Variants in IGSF3 observed in about 807,000 individuals in gnomAD.
IGSF3 encodes immunoglobulin superfamily member 3, also known as glu-Trp-Ile EWI motif-containing protein 3.
IGSF3 carries 23 observed loss-of-function variants against 114.4 expected under a neutral mutation model. That is an observed-to-expected ratio of 0.20 (90% CI 0.14 to 0.28). IGSF3 has a LOEUF of 0.28. IGSF3 is among the 10% of genes least tolerant of loss of function. The pLI, the probability that IGSF3 is intolerant of heterozygous loss-of-function variation, is 1.00. For synonymous variants in IGSF3, 571 were observed against 645.2 expected, an observed-to-expected ratio of 0.88 and a Z score of 1.74; for missense variants, 1,172 against 1,591.5, an observed-to-expected ratio of 0.74 and a Z score of 4.48.
rs1661181753 is a variant in IGSF3, at chr1:116,615,471, T to C, written c.421+609A>G. 6.6e-6 allele frequency among the ~76,000 whole-genome samples: 1 copy of C among 152,236 alleles called. No individual in the cohort carries two copies. The highest frequency in any genetic ancestry group is 6.5e-5 in the Admixed American group (1 of 15,290). The stretch of plus-strand genomic sequence containing the variant: ...CAGAAAAACAGAACAGCCTTGATAA[T>C]GGTTAACCCTTTGACACTGGCAAAC... On this transcript the variant is annotated intron_variant, in intron 3 of 10. Coordinates refer to ENST00000369486, the MANE Select transcript of IGSF3 (RefSeq NM_001007237.3). This position sits in a 1 kb window ranked among gnomAD's most constrained non-coding sequence, Gnocchi z 4.3.
In IGSF3 at chr1:116,610,489, G is replaced by C. The variant is rs1413784825; in HGVS notation, c.833-2158C>G. ...CAATTACATCTCTAGAAACTGACCT[G>C]TGCTTTTTCCAATACCCCTTCCACT... On this transcript the variant is annotated intron_variant, in intron 4 of 10. Coordinates refer to ENST00000369486, the MANE Select transcript of IGSF3 (RefSeq NM_001007237.3). This position sits in a 1 kb window ranked among gnomAD's most constrained non-coding sequence, Gnocchi z 4.3. 6.6e-6 allele frequency among the ~76,000 whole-genome samples: 1 copy of C among 152,146 alleles called. No individual in the cohort carries two copies. The highest frequency in any genetic ancestry group is 1.5e-5 in the Non-Finnish European group (1 of 68,036).
In IGSF3 at chr1:116,610,773, C is replaced by T. The variant is rs1227957288; in HGVS notation, c.833-2442G>A. Among the ~76,000 whole-genome samples, 3 of 152,180 alleles carry T rather than the reference C, an allele frequency of 2.0e-5. No individual in the cohort carries two copies. The highest frequency in any genetic ancestry group is 2.9e-5 in the Non-Finnish European group (2 of 68,024). On this transcript the variant is annotated intron_variant, in intron 4 of 10. Coordinates refer to ENST00000369486, the MANE Select transcript of IGSF3 (RefSeq NM_001007237.3). This position sits in a 1 kb window ranked among gnomAD's most constrained non-coding sequence, Gnocchi z 4.3. Reference sequence around the variant, plus strand: ...TTTTACCCCATGGGCTCTTCCAGGGCCCTGATCACTCTCAGGCTCGGTCTC... The same window carrying T: ...TTTTACCCCATGGGCTCTTCCAGGGTCCTGATCACTCTCAGGCTCGGTCTC...
chr1:116,640,831 C>A (rs988014521), intron 2 of IGSF3, among the ~76,000 whole-genome samples: 1 of 152,198 alleles, frequency 6.6e-6, no homozygotes, highest in Non-Finnish European at 1.5e-5. Context: ...ATTTACATTG[C>A]CAAGATCAAT....
At chr1:116,641,669 G>A (rs896723809) in intron 2 of IGSF3, among the ~76,000 whole-genome samples, 1 of 152,032 alleles carries the variant, frequency 6.6e-6, no homozygotes, top group Admixed American at 6.5e-5. Flanking sequence ...AACAGGCAGA[G>A]AGCAGAGCTG....
Position 116,636,366 on chromosome 1 carries a change from G to A in IGSF3, c.44-19909C>T, listed in dbSNP as rs1647829408. On this transcript the variant is annotated intron_variant, in intron 2 of 10. Coordinates refer to ENST00000369486, the MANE Select transcript of IGSF3 (RefSeq NM_001007237.3). This position sits in a 1 kb window ranked among gnomAD's most constrained non-coding sequence, Gnocchi z 4.5. ...CTGGTGACAACCTTTCCTGAGCTTAGGACAGTTTTCATGCAAACTGGTTCT... is the reference window on the plus strand; with the variant it reads ...CTGGTGACAACCTTTCCTGAGCTTAAGACAGTTTTCATGCAAACTGGTTCT... Among the ~76,000 whole-genome samples, 1 of 152,128 alleles carries A rather than the reference G, an allele frequency of 6.6e-6. No individual in the cohort carries two copies. The highest frequency in any genetic ancestry group is 6.6e-5 in the Admixed American group (1 of 15,260).
Position 116,647,459 on chromosome 1 carries a change from C to A in IGSF3, c.43+18825G>T, listed in dbSNP as rs1648431648. ...CAATCAGCTGACCGGGGTGGCAACC[C>A]CTGGCTCTGCTCAACAATAATGACA... On this transcript the variant is annotated intron_variant, in intron 2 of 10. Coordinates refer to ENST00000369486, the MANE Select transcript of IGSF3 (RefSeq NM_001007237.3). The surrounding 1 kb of genome is among the most constrained non-coding windows in gnomAD (Gnocchi z 4.6). 6.6e-6 allele frequency among the ~76,000 whole-genome samples: 1 copy of A among 152,196 alleles called. No homozygotes were observed. Among genetic ancestry groups the A allele is most frequent in the Admixed American group, 6.5e-5 (1 of 15,284 alleles).
At position 116,628,254 on chromosome 1, in the gene IGSF3, C is replaced by T. The variant is rs1238094390; in HGVS notation, c.44-11797G>A. Among the ~76,000 whole-genome samples, 2 of 152,176 alleles carry T rather than the reference C, an allele frequency of 1.3e-5. No homozygotes were observed. The highest frequency in any genetic ancestry group is 2.9e-5 in the Non-Finnish European group (2 of 68,020). On this transcript the variant is annotated intron_variant, in intron 2 of 10. Coordinates refer to ENST00000369486, the MANE Select transcript of IGSF3 (RefSeq NM_001007237.3). This position sits in a 1 kb window ranked among gnomAD's most constrained non-coding sequence, Gnocchi z 4.2. ...AGACCACCCTCCTCAGGACAGCTCC[C>T]GCCACTCTTCAGGGACAAAGTTCCT...
rs1404461834 is a variant in IGSF3, at chr1:116,651,252, G to A, written c.43+15032C>T. Among the ~76,000 whole-genome samples the A allele has an allele frequency of 6.6e-6, 1 of 152,206 alleles. No homozygotes were observed. Among genetic ancestry groups the A allele is most frequent in the African/African-American group, 2.4e-5 (1 of 41,454 alleles). ...TTGGCTATGCCAGTATCTCTTTCCT[G>A]CCTCTTTCTTCTTCAGGCCAAATGG... On this transcript the variant is annotated intron_variant, in intron 2 of 10. Transcript: ENST00000369486. This position sits in a 1 kb window ranked among gnomAD's most constrained non-coding sequence, Gnocchi z 4.4.
In IGSF3 at chr1:116,613,904, G is replaced by A. The variant is rs1571157845; in HGVS notation, c.693C>T (p.Leu231=). 28 of 1,613,966 alleles carry A rather than the reference G, an allele frequency of 1.7e-5. No homozygotes were observed. Among genetic ancestry groups the A allele is most frequent in the Non-Finnish European group, 2.4e-5 (28 of 1,179,876 alleles). The change falls in exon 4 of 11, where the codon CTC becomes CTT. Residue 231 remains leucine (L), a synonymous_variant. Coordinates refer to ENST00000369486, the MANE Select transcript of IGSF3 (RefSeq NM_001007237.3). ...CAGAAGGCTGCAGGTGGAAGATGGT[G>A]AGGCGGAAGGTGGTCCTCCCCAGCT... ...LDKLGRTTFR[L]TIFHLQPSDQ...
intron 2 of IGSF3, among the ~76,000 whole-genome samples, chr1:116,660,479 CTT>C (rs71274759): frequency 1.6e-4 from 16 of 99,730 alleles, no homozygotes; most frequent in African/African-American, 3.7e-4. Flanking sequence ...GTATGCTTTT[CTT>C]TTTTTTTTTT....
Position 116,618,187 on chromosome 1 carries a change from A to G in IGSF3, c.44-1730T>C, listed in dbSNP as rs1462717958. 2.0e-5 allele frequency among the ~76,000 whole-genome samples: 3 copies of G among 152,212 alleles called. No homozygotes were observed. The highest frequency in any genetic ancestry group is 7.2e-5 in the African/African-American group (3 of 41,468). On this transcript the variant is annotated intron_variant, in intron 2 of 10. Coordinates refer to ENST00000369486, the MANE Select transcript of IGSF3 (RefSeq NM_001007237.3). The surrounding 1 kb of genome is among the most constrained non-coding windows in gnomAD (Gnocchi z 4.7). ...CCTTTCCTCACAAACAAAATCTTACACAGAACCCCATCTTGGCTTCAGCAG... is the reference window on the plus strand; with the variant it reads ...CCTTTCCTCACAAACAAAATCTTACGCAGAACCCCATCTTGGCTTCAGCAG...
intron 2 of IGSF3, among the ~76,000 whole-genome samples, chr1:116,656,959 A>C (rs952175963): frequency 3.9e-5 from 6 of 152,280 alleles, no homozygotes; most frequent in African/African-American, 1.4e-4. Context: ...TTAATTAATT[A>C]AAGCAAACAA....
chr1:116,596,841 G>T lies in IGSF3; in HGVS notation c.2029+3100C>A, dbSNP rs1231340553. Among the ~76,000 whole-genome samples the T allele has an allele frequency of 6.6e-6, 1 of 152,152 alleles. No individual in the cohort carries two copies. The highest frequency in any genetic ancestry group is 2.1e-4 in the South Asian group (1 of 4,826). ...CCTCATCTGTGAAGTTGGGTAAAACGGTCCCCCTCACAGCACTGCATGGAT... is the reference window on the plus strand; with the variant it reads ...CCTCATCTGTGAAGTTGGGTAAAACTGTCCCCCTCACAGCACTGCATGGAT... On this transcript the variant is annotated intron_variant, in intron 7 of 10. Coordinates refer to ENST00000369486, the MANE Select transcript of IGSF3 (RefSeq NM_001007237.3). This position sits in a 1 kb window ranked among gnomAD's most constrained non-coding sequence, Gnocchi z 4.1.
chr1:116,628,158 G>A lies in IGSF3; in HGVS notation c.44-11701C>T, dbSNP rs538247118. ...CAAAAAGACACTGTGGGATTTCAGG[G>A]CAACCCATGAGTGAGGATCACAGCA... is the stretch of plus-strand genomic sequence containing the variant. On this transcript the variant is annotated intron_variant, in intron 2 of 10. Transcript: ENST00000369486. This position sits in a 1 kb window ranked among gnomAD's most constrained non-coding sequence, Gnocchi z 4.2. Among the ~76,000 whole-genome samples the A allele has an allele frequency of 2.6e-5, 4 of 152,266 alleles. No individual in the cohort carries two copies. Among genetic ancestry groups the A allele is most frequent in the South Asian group, 2.1e-4 (1 of 4,820 alleles).
In IGSF3 at chr1:116,593,017, T is replaced by G. The variant is rs1448972093; in HGVS notation, c.2030-3913A>C. Among the ~76,000 whole-genome samples, 3 of 152,200 alleles carry G rather than the reference T, an allele frequency of 2.0e-5. No homozygotes were observed. Among genetic ancestry groups the G allele is most frequent in the African/African-American group, 4.8e-5 (2 of 41,446 alleles). On this transcript the variant is annotated intron_variant, in intron 7 of 10. Transcript: ENST00000369486. This position sits in a 1 kb window ranked among gnomAD's most constrained non-coding sequence, Gnocchi z 4.5. ...GAGGAAAAAGATGACAACTACCCTG[T>G]GCACTCTATTCAAGGAGGAGCAAGT...
rs965671105 is a variant in IGSF3 at position 116,661,955 on chromosome 1, C to A, written c.43+4329G>T. On this transcript the variant is annotated intron_variant, in intron 2 of 10. Coordinates refer to ENST00000369486, the MANE Select transcript of IGSF3 (RefSeq NM_001007237.3). The surrounding 1 kb of genome is among the most constrained non-coding windows in gnomAD (Gnocchi z 4.0). ...GCCTTTTCTTCCTTCCTGATGGCTG[C>A]GGCTAGAAGAGTCATCTTGGACCAT... is the stretch of plus-strand genomic sequence containing the variant. Among the ~76,000 whole-genome samples, 1 of 152,104 alleles carries A rather than the reference C, an allele frequency of 6.6e-6. No individual in the cohort carries two copies. Among genetic ancestry groups the A allele is most frequent in the Admixed American group, 6.5e-5 (1 of 15,274 alleles).
rs1271804653 is a variant in IGSF3, at chr1:116,627,479, C to T, written c.44-11022G>A. On this transcript the variant is annotated intron_variant, in intron 2 of 10. Transcript: ENST00000369486. This position sits in a 1 kb window ranked among gnomAD's most constrained non-coding sequence, Gnocchi z 4.7. ...GGAATAACTTCCACAGCTCCTGCCA[C>T]ACTCAGCACTGCCTGCACCTCCTCC... is the stretch of plus-strand genomic sequence containing the variant. 6.6e-6 allele frequency among the ~76,000 whole-genome samples: 1 copy of T among 152,188 alleles called. No homozygotes were observed. Among genetic ancestry groups the T allele is most frequent in the Non-Finnish European group, 1.5e-5 (1 of 68,032 alleles).
In IGSF3 at chr1:116,616,166, G is replaced by A. The variant is rs1661209035; in HGVS notation, c.335C>T (p.Ala112Val). The A allele has an allele frequency of 2.5e-6, 4 of 1,613,904 alleles. No individual in the cohort carries two copies. The highest frequency in any genetic ancestry group is 3.4e-6 in the Non-Finnish European group (4 of 1,179,752). The change falls in exon 3 of 11, where the codon GCC becomes GTC. Residue 112 changes from alanine to valine, a missense_variant. Ala to Val is a moderately conservative substitution (Grantham distance 64). Around this residue, in one of 3 missense-constraint regions of IGSF3, gnomAD observed 736 missense variants for 1,042.0 expected, o/e 0.71. Coordinates refer to ENST00000369486, the MANE Select transcript of IGSF3 (RefSeq NM_001007237.3). This position sits in a 1 kb window ranked among gnomAD's most constrained non-coding sequence, Gnocchi z 6.6. ...GCATTCATACTCCCCGGCATCCCGG[G>A]CCTGAAGATCTGTGATGTGCAATAG... Reference protein sequence around the residue: ...STLLHITDLQARDAGEYECHT... With the variant: ...STLLHITDLQVRDAGEYECHT...
chr1:116,604,523 T>C (rs755243284), intron 5 of IGSF3, among the ~76,000 whole-genome samples: 3 of 152,166 alleles, frequency 2.0e-5, no homozygotes, highest in Non-Finnish European at 4.4e-5. Context: ...TAGGAAATAC[T>C]GGGAAAAAAA....
Sources: allele counts gnomAD v4.1 joint callset (sites outside exome capture counted in the v4.1 genomes callset), GRCh38; gene constraint gnomAD v4.1.1; regional missense constraint gnomAD v4.1.1; non-coding constraint Gnocchi (gnomAD v3.1); transcripts MANE v1.5; gene names NCBI Gene and HGNC (gene_info 2026-07-23, HGNC 2026-07-21).